The following NUP58 variants were observed in gnomAD, a reference collection of about 807,000 sequenced individuals.
NUP58 encodes the protein nucleoporin 58.
In NUP58, 17 loss-of-function variants were observed where a neutral mutation model predicts 70.1. The observed-to-expected ratio is 0.24, with a 90% confidence interval of 0.17 to 0.36. NUP58 has a LOEUF of 0.36. NUP58 is among the 10% of genes least tolerant of loss of function. The probability of loss-of-function intolerance (pLI) is 1.00; values close to 1 mark genes in which losing one functional copy is unlikely to be tolerated. For missense variants in NUP58, 644 were observed against 701.5 expected (o/e 0.92, Z 0.93); for synonymous variants, 275 against 257.6 (o/e 1.07, Z -0.65).
chr13:25,339,987 T>C lies in NUP58; in HGVS notation c.1653T>C (p.Ser551=), dbSNP rs1346387216. The C allele has an allele frequency of 6.2e-7, 1 of 1,607,844 alleles. No homozygotes were observed. Residue 551 remains serine, a synonymous_variant, in exon 16 of 16, where the codon TCT becomes TCC. Coordinates refer to ENST00000381736, the MANE Select transcript of NUP58 (RefSeq NM_014089.4). The stretch of plus-strand genomic sequence containing the variant: ...AAGGCTTTGGCAGCTCAAGTACATC[T>C]GGGTTTAACTTCAGCAATCCTGGCA... ...LSAGFGSSST[S]GFNFSNPGIT...
intron 5 of NUP58, 128 bp downstream of exon 5, chr13:25,313,879 A>C (rs1432508007): frequency 1.6e-6 from 1 of 638,736 alleles, no homozygotes; most frequent in East Asian, 3.5e-5. Context: ...AAACTAAATT[A>C]TAAAATGATG....
intron 8 of NUP58, 48 bp downstream of exon 8, chr13:25,320,643 A>G: frequency 7.4e-7 from 1 of 1,359,690 alleles, no homozygotes; most frequent in South Asian, 1.2e-5. Flanking sequence ...GAATTCTAGA[A>G]TACTTCTTAA....
intron 12 of NUP58, among the ~76,000 whole-genome samples, chr13:25,330,585 A>G (rs192153275): frequency 2.6e-5 from 4 of 152,340 alleles, no homozygotes; most frequent in East Asian, 1.9e-4. Flanking sequence ...TAAATCTTCA[A>G]TGAAAGCATA....
exon 4 of NUP58, chr13:25,349,651 C>A (rs1251609690): frequency 6.6e-6 from 1 of 152,568 alleles, no homozygotes; most frequent in Non-Finnish European, 1.5e-5. Flanking sequence ...CTGAGCAGTC[C>A]TTGAATCAAC....
At chr13:25,318,470 A>T (rs1179437573) in intron 6 of NUP58, among the ~76,000 whole-genome samples, 2 of 152,164 alleles carry the variant, frequency 1.3e-5, no homozygotes, top group Non-Finnish European at 2.9e-5. Flanking sequence ...TGAAATTGAG[A>T]TACATCTTAC....
At chr13:25,334,922 C>T in intron 13 of NUP58, 2 of 984,836 alleles carry the variant, frequency 2.0e-6, no homozygotes, top group Non-Finnish European at 2.4e-6. Flanking sequence ...AAATAAGAAC[C>T]TCTCATTGGA....
At chr13:25,305,084 TA>T (rs1283698257) in intron 1 of NUP58, among the ~76,000 whole-genome samples, 12 of 151,614 alleles carry the variant, frequency 7.9e-5, no homozygotes, top group Non-Finnish European at 1.5e-4. Flanking sequence ...AATATGTTGT[TA>T]AAAATACCTT....
intron 7 of NUP58, chr13:25,320,232 G>C (rs891371868): frequency 9.3e-6 from 2 of 214,004 alleles, no homozygotes; most frequent in Non-Finnish European, 1.8e-5. Flanking sequence ...CCAATTTGCA[G>C]TATTCTCTGA....
rs397702412 is a variant in NUP58 at position 25,324,969 on chromosome 13, T to TA, written c.952-17dup. 20 of 1,442,146 alleles carry TA rather than the reference T, an allele frequency of 1.4e-5. No homozygotes were observed. The highest frequency in any genetic ancestry group is 1.4e-4 in the East Asian group (6 of 43,508). 89.3% of individuals were successfully genotyped at this position (1,442,146 alleles called of 1,614,324 possible). The stretch of plus-strand genomic sequence containing the variant: ...CTTAACTGGCTTTTTTTTTTTTTTT[T>TA]AAATCCTCTGGTATATTAGGAGTTG... On this transcript the variant is annotated intron_variant, in intron 9 of 15. Coordinates refer to ENST00000381736, the MANE Select transcript of NUP58 (RefSeq NM_014089.4).
At chr13:25,317,404 C>A (rs1244031910) in intron 6 of NUP58, among the ~76,000 whole-genome samples, 1 of 151,998 alleles carries the variant, frequency 6.6e-6, no homozygotes, top group Admixed American at 6.6e-5. Flanking sequence ...TTCAGGAAGG[C>A]AAGAATTGTC....
chr13:25,316,820 A>G (rs1434312916), intron 6 of NUP58, among the ~76,000 whole-genome samples: 1 of 152,162 alleles, frequency 6.6e-6, no homozygotes, highest in Non-Finnish European at 1.5e-5. Flanking sequence ...GCCCCTCCCC[A>G]CATCTTCCTG....
downstream of NUP58, among the ~76,000 whole-genome samples, chr13:25,346,467 C>G (rs2032051755): frequency 1.3e-5 from 2 of 152,124 alleles, no homozygotes; most frequent in South Asian, 4.1e-4. Context: ...TGCCTGTAAT[C>G]CCAGCACTTT....
intron 5 of NUP58, among the ~76,000 whole-genome samples, chr13:25,314,847 TAAGC>T (rs971575999): frequency 6.6e-6 from 1 of 152,206 alleles, no homozygotes; most frequent in South Asian, 2.1e-4. Flanking sequence ...AAGATGTAAA[TAAGC>T]AAATGAATTC....
intron 10 of NUP58, among the ~76,000 whole-genome samples, chr13:25,325,455 A>G (rs2031358256): frequency 6.6e-6 from 1 of 152,216 alleles, no homozygotes; most frequent in Non-Finnish European, 1.5e-5. Flanking sequence ...ACCAACCTGT[A>G]ATCACATCAC....
intron 1 of NUP58, among the ~76,000 whole-genome samples, chr13:25,302,471 G>A (rs2030073053): frequency 6.6e-6 from 1 of 152,208 alleles, no homozygotes. Flanking sequence ...TATATCTGAT[G>A]CGAGAATGTT....
chr13:25,304,599 C>T (rs1366623630), intron 1 of NUP58, among the ~76,000 whole-genome samples: 17 of 149,376 alleles, frequency 1.1e-4, no homozygotes, highest in African/African-American at 3.0e-4. Flanking sequence ...TCATTGCAAC[C>T]TCCACCTTAC....
At chr13:25,313,570 TA>T in intron 4 of NUP58, 43 bp from the exon 5 acceptor site, 1 of 1,413,624 alleles carries the variant, frequency 7.1e-7, no homozygotes, top group Non-Finnish European at 9.3e-7. Flanking sequence ...ATGGTGCTGT[TA>T]AATAAGTTGC....
chr13:25,342,588 A>G (rs867201357), downstream of NUP58, among the ~76,000 whole-genome samples: 5 of 152,174 alleles, frequency 3.3e-5, no homozygotes, highest in East Asian at 9.6e-4. Flanking sequence ...TGTCTTCTCA[A>G]AATGACAAAA....
chr13:25,313,637 A>G lies in NUP58; in HGVS notation c.460A>G (p.Asn154Asp). ...AGCATCCACAGGATTTACTCTAAATAATTTGGGTGGGACAACAGCCACAAC... is the reference window on the plus strand; with the variant it reads ...AGCATCCACAGGATTTACTCTAAATGATTTGGGTGGGACAACAGCCACAAC... ...PAASTGFTLN[N>D]LGGTTATTTT... is the part of the protein sequence containing the mutation. The change falls in exon 5 of 16, where the codon AAT (asparagine) becomes GAT (aspartate). Residue 154 changes from asparagine (N) to aspartate (D), a missense_variant. This residue lies in a region of NUP58 where 430 missense variants were observed against 409.2 expected (regional missense o/e 1.05). Coordinates refer to ENST00000381736, the MANE Select transcript of NUP58 (RefSeq NM_014089.4). 1 of 1,522,556 alleles carries G rather than the reference A, an allele frequency of 6.6e-7. No homozygotes were observed. Among genetic ancestry groups the G allele is most frequent in the South Asian group, 1.3e-5 (1 of 75,048 alleles). 94.3% of individuals were successfully genotyped at this position (1,522,556 alleles called of 1,614,324 possible).
Sources: allele counts gnomAD v4.1 joint callset (sites outside exome capture counted in the v4.1 genomes callset), GRCh38; gene constraint gnomAD v4.1.1; regional missense constraint gnomAD v4.1.1; transcripts MANE v1.5; gene names NCBI Gene and HGNC (gene_info 2026-07-23, HGNC 2026-07-21).